The following AFG1L variants were observed in gnomAD, a reference collection of about 807,000 sequenced individuals.
AFG1L encodes AFG1 like ATPase.
In AFG1L, 53 loss-of-function variants were observed where a neutral mutation model predicts 62.2. The ratio of observed to expected loss-of-function variants is 0.85; its 90% CI spans 0.68 to 1.07. The LOEUF is 1.07. Among genes scored for constraint, AFG1L ranks in the 50% least tolerant of loss-of-function variants. The probability of loss-of-function intolerance (pLI) is 0.00; values close to 1 mark genes in which losing one functional copy is unlikely to be tolerated. For synonymous variants in AFG1L, 228 were observed against 210.3 expected, an observed-to-expected ratio of 1.08 and a Z score of -0.73; for missense variants, 555 against 590.5, an observed-to-expected ratio of 0.94 and a Z score of 0.62.
chr6:108,460,818 A>G (rs988194410), intron 8 of AFG1L, among the ~76,000 whole-genome samples: 3 of 152,112 alleles, frequency 2.0e-5, no homozygotes, highest in Non-Finnish European at 2.9e-5. Flanking sequence ...TTAGCTGGGC[A>G]TGGTGGCGGG....
chr6:108,375,475 C>T (rs1011547078), intron 6 of AFG1L, among the ~76,000 whole-genome samples: 7 of 151,968 alleles, frequency 4.6e-5, no homozygotes, highest in Admixed American at 2.0e-4. Context: ...ATAGATGGCT[C>T]TTATTATTTT....
At chr6:108,418,599 T>G (rs187421317) in intron 7 of AFG1L, among the ~76,000 whole-genome samples, 5 of 152,312 alleles carry the variant, frequency 3.3e-5, no homozygotes, top group Non-Finnish European at 7.4e-5. Context: ...GCTGGATAAA[T>G]GGTTGATCGA....
intron 7 of AFG1L, among the ~76,000 whole-genome samples, chr6:108,417,986 A>G (rs915152458): frequency 2.0e-4 from 31 of 152,214 alleles, no homozygotes; most frequent in African/African-American, 7.2e-4. Flanking sequence ...GGTGCCTGCC[A>G]CCACGCCAGC....
chr6:108,518,691 A>G (rs1335593108), intron 11 of AFG1L, among the ~76,000 whole-genome samples: 1 of 152,246 alleles, frequency 6.6e-6, no homozygotes, highest in African/African-American at 2.4e-5. Flanking sequence ...ACTAGTGGAT[A>G]TAAAAAATAT....
intron 7 of AFG1L, among the ~76,000 whole-genome samples, chr6:108,408,818 G>GT (rs985518716): frequency 1.3e-5 from 2 of 151,552 alleles, no homozygotes; most frequent in Non-Finnish European, 2.9e-5. Context: ...AGAAGATCAG[G>GT]TTTTTTTTCT....
At chr6:108,452,752 C>A (rs1356310647) in intron 8 of AFG1L, among the ~76,000 whole-genome samples, 1 of 152,110 alleles carries the variant, frequency 6.6e-6, no homozygotes, top group Non-Finnish European at 1.5e-5. Flanking sequence ...GTGTCAGTTC[C>A]CTCCTTGCTC....
chr6:108,522,583 G>A lies in AFG1L; in HGVS notation c.*158G>A, dbSNP rs1775166576. The A allele has an allele frequency of 1.4e-6, 1 of 693,952 alleles. No homozygotes were observed. Among genetic ancestry groups the A allele is most frequent in the East Asian group, 3.0e-5 (1 of 32,894 alleles). 43.0% of individuals were successfully genotyped at this position (693,952 alleles called of 1,614,324 possible). Reference sequence around the variant, plus strand: ...TTGCTCTCAAGGATCTAGTGGATTAGTAAGTTAAACACTTAACATTTTTTA... The same window carrying A: ...TTGCTCTCAAGGATCTAGTGGATTAATAAGTTAAACACTTAACATTTTTTA... On this transcript the variant is annotated 3_prime_UTR_variant, in exon 13 of 13. Transcript: ENST00000368977.
intron 8 of AFG1L, among the ~76,000 whole-genome samples, chr6:108,447,557 C>A (rs1441360945): frequency 6.6e-6 from 1 of 152,000 alleles, no homozygotes; most frequent in African/African-American, 2.4e-5. Flanking sequence ...AATGAGTATC[C>A]TTTTATAAGA....
In AFG1L at chr6:108,523,626, C is replaced by G. The variant is rs901635058; in HGVS notation, c.*1201C>G. 2 of 152,042 alleles carry G rather than the reference C, an allele frequency of 1.3e-5. No individual in the cohort carries two copies. The highest frequency in any genetic ancestry group is 2.9e-5 in the Non-Finnish European group (2 of 68,012). The allele number at this position is 152,042 out of a possible 1,614,324, so 9.4% of individuals were successfully genotyped here. A position where few individuals can be genotyped will look rare whatever the true frequency, so the allele number is the denominator to read the frequency against. On this transcript the variant is annotated 3_prime_UTR_variant, in exon 13 of 13. Transcript: ENST00000368977. ...TAAGCTCTTTGAACCTATTTATTTT[C>G]TATTTATTATTATTTTTATTTTTTA... is the stretch of plus-strand genomic sequence containing the variant.
intron 1 of AFG1L, among the ~76,000 whole-genome samples, chr6:108,323,344 A>G (rs1317904706): frequency 1.3e-5 from 2 of 152,162 alleles, no homozygotes; most frequent in Admixed American, 6.5e-5. Context: ...AAAATAAAAC[A>G]ATTAGAAATA....
chr6:108,473,858 C>T (rs1220007023), intron 8 of AFG1L, among the ~76,000 whole-genome samples: 3 of 152,172 alleles, frequency 2.0e-5, no homozygotes, highest in Non-Finnish European at 4.4e-5. Flanking sequence ...TATGCCCGGC[C>T]AGCTCACTTT....
chr6:108,470,249 G>A (rs1311764115), intron 8 of AFG1L, among the ~76,000 whole-genome samples: 4 of 152,172 alleles, frequency 2.6e-5, no homozygotes, highest in South Asian at 2.1e-4. Flanking sequence ...AGGATAAGTC[G>A]TCATCCTCTT....
chr6:108,315,072 G>A (rs144593917), intron 1 of AFG1L, among the ~76,000 whole-genome samples: 16 of 152,014 alleles, frequency 1.1e-4, no homozygotes, highest in African/African-American at 3.6e-4. Context: ...AGTGATCACC[G>A]CCCGCCTCAA....
chr6:108,355,517 C>G, intron 3 of AFG1L, 137 bp from the exon 4 acceptor site: 2 of 460,214 alleles, frequency 4.3e-6, no homozygotes, highest in Non-Finnish European at 7.5e-6. Context: ...GTAAGCTCCC[C>G]CTTCTAAAGA....
At chr6:108,488,783 A>G (rs1773666757) in intron 10 of AFG1L, among the ~76,000 whole-genome samples, 2 of 151,976 alleles carry the variant, frequency 1.3e-5, no homozygotes, top group African/African-American at 2.4e-5. Flanking sequence ...CATGAGAATC[A>G]CTTGTACCCA....
intron 7 of AFG1L, among the ~76,000 whole-genome samples, chr6:108,432,540 A>G (rs117455370): frequency 0.013 from 1,933 of 152,180 alleles, 18 homozygotes; most frequent in Non-Finnish European, 0.02. Context: ...ACCAATCTCT[A>G]CCTCTATGGT....
chr6:108,446,704 A>G (rs904134676), intron 7 of AFG1L, among the ~76,000 whole-genome samples: 5 of 151,836 alleles, frequency 3.3e-5, no homozygotes, highest in South Asian at 2.1e-4. Context: ...GGGTTTTGCT[A>G]TGTTGCTCAG....
intron 10 of AFG1L, among the ~76,000 whole-genome samples, chr6:108,479,551 G>A (rs1243113838): frequency 6.6e-6 from 1 of 152,148 alleles, no homozygotes; most frequent in Non-Finnish European, 1.5e-5. Flanking sequence ...TAAGTAGCTA[G>A]TTTGTTTATG....
At chr6:108,446,633 T>C (rs939077624) in intron 7 of AFG1L, among the ~76,000 whole-genome samples, 1 of 151,712 alleles carries the variant, frequency 6.6e-6, no homozygotes, top group South Asian at 2.1e-4. Flanking sequence ...GCCGGCCAAA[T>C]AGCTGAGACT....
Sources: gnomAD v4.1 joint callset for allele counts (sites outside exome capture counted in the v4.1 genomes callset) on GRCh38, gnomAD v4.1.1 for gene constraint, MANE v1.5 for transcripts, NCBI Gene and HGNC (gene_info 2026-07-23, HGNC 2026-07-21) for gene names.